Variants in ITSN1 observed in about 807,000 individuals in gnomAD.
The protein encoded by ITSN1 is intersectin 1, also known as intersectin-1.
In ITSN1, 58 loss-of-function variants were observed where a neutral mutation model predicts 239.8. The ratio of observed to expected loss-of-function variants is 0.24; its 90% CI spans 0.20 to 0.30. The LOEUF is 0.30. ITSN1 is among the 10% of genes least tolerant of loss of function. ITSN1 has a pLI of 1.00. For synonymous variants in ITSN1, 780 were observed against 770.8 expected (o/e 1.01, Z -0.20); for missense variants, 1,558 against 2,103.3 (o/e 0.74, Z 5.07).
At chr21:33,790,333 ATTTT>A (rs35287637) in intron 16 of ITSN1, among the ~76,000 whole-genome samples, 58,254 of 140,372 alleles carry the variant, frequency 0.41, 12,290 homozygotes, top group Non-Finnish European at 0.51. Flanking sequence ...TTATAGTTTT[ATTTT>A]TTCTGCATAA....
At chr21:33,774,551 T>C (rs764014821) in intron 12 of ITSN1, 178 bp from the exon 13 acceptor site, 7 of 581,546 alleles carry the variant, frequency 1.2e-5, no homozygotes, top group Non-Finnish European at 2.1e-5. Context: ...GTATTCCCTT[T>C]ATTCCCATAG....
At chr21:33,729,084 G>A (rs1165846212) in intron 4 of ITSN1, among the ~76,000 whole-genome samples, 1 of 152,220 alleles carries the variant, frequency 6.6e-6, no homozygotes, top group African/African-American at 2.4e-5. Flanking sequence ...GACAAGAGGA[G>A]CCTGGCCTCA....
chr21:33,679,682 T>G (rs898414625), intron 1 of ITSN1, among the ~76,000 whole-genome samples: 6 of 150,976 alleles, frequency 4.0e-5, no homozygotes, highest in African/African-American at 1.5e-4. Flanking sequence ...TTTTTGTGTG[T>G]TTTTTGATCC....
chr21:33,867,285 T>C lies in ITSN1; in HGVS notation c.4127T>C (p.Leu1376Pro). The C allele has an allele frequency of 6.2e-7, 1 of 1,611,346 alleles. No individual in the cohort carries two copies. The highest frequency in any genetic ancestry group is 1.1e-5 in the South Asian group (1 of 91,006). Residue 1376 changes from leucine to proline, a missense_variant, in exon 33 of 40, where the codon CTG (leucine) becomes CCG (proline). Coordinates refer to ENST00000381318, the MANE Select transcript of ITSN1 (RefSeq NM_003024.3). ...GGGATGCCACTCTCTAGTTTTATAC[T>C]GAAGCCTATGCAACGGGTAACAAGA... is the stretch of plus-strand genomic sequence containing the variant. ...CKGMPLSSFI[L>P]KPMQRVTRYP...
rs1557269 is a variant in ITSN1 at position 33,894,091 on chromosome 21, G to A, written c.*5791G>A. ...AGCTGGGCGGCAGCTGGACGGGCCT[G>A]CCTTGGTGGCATTCAAGCAAGCCTA... is the stretch of plus-strand genomic sequence containing the variant. On this transcript the variant is annotated 3_prime_UTR_variant, in exon 40 of 40. Coordinates refer to ENST00000381318, the MANE Select transcript of ITSN1 (RefSeq NM_003024.3). The A allele has an allele frequency of 0.3, 45,360 of 152,156 alleles. 6,785 individuals are homozygous for A. Among genetic ancestry groups the A allele is most frequent in the East Asian group, 0.32 (1,649 of 5,170 alleles). The allele number at this position is 152,156 out of a possible 1,614,324, so 9.4% of individuals were successfully genotyped here.
At chr21:33,806,668 G>GT (rs2072478042) in intron 20 of ITSN1, among the ~76,000 whole-genome samples, 1 of 152,336 alleles carries the variant, frequency 6.6e-6, no homozygotes, top group African/African-American at 2.4e-5. Flanking sequence ...GCAATATCTG[G>GT]TGTTTGTACT....
chr21:33,748,546 A>G (rs2067327372), intron 5 of ITSN1, among the ~76,000 whole-genome samples: 3 of 152,280 alleles, frequency 2.0e-5, no homozygotes, highest in Admixed American at 2.0e-4. Flanking sequence ...TTTACTTTTA[A>G]AAAATAGTAA....
chr21:33,829,553 C>T, intron 26 of ITSN1, 71 bp from the exon 27 acceptor site: 1 of 1,552,048 alleles, frequency 6.4e-7, no homozygotes, highest in Non-Finnish European at 8.8e-7. Flanking sequence ...CTGGGAGGCG[C>T]CTGCATCTTC....
At position 33,750,294 on chromosome 21, in the gene ITSN1, A is replaced by G. The variant is rs1473521662; in HGVS notation, c.498A>G (p.Ile166Met). 23 of 1,613,384 alleles carry G rather than the reference A, an allele frequency of 1.4e-5. No homozygotes were observed. Among genetic ancestry groups the G allele is most frequent in the Non-Finnish European group, 1.9e-5 (23 of 1,180,034 alleles). Residue 166 changes from isoleucine (I) to methionine (M), a missense_variant, in exon 6 of 40, where the codon ATA (isoleucine) becomes ATG (methionine). This residue lies in a region of ITSN1 where 982 missense variants were observed against 1,209.9 expected (regional missense o/e 0.81). Coordinates refer to ENST00000381318, the MANE Select transcript of ITSN1 (RefSeq NM_003024.3). ...PPLANGAPPV[I>M]QPLPAFAHPA... ...TGGCTAACGGGGCTCCCCCTGTTATACAACCTCTGCCTGCATTTGCTCATC... is the reference window on the plus strand; with the variant it reads ...TGGCTAACGGGGCTCCCCCTGTTATGCAACCTCTGCCTGCATTTGCTCATC...
rs777765337 is a variant in ITSN1 at position 33,883,646 on chromosome 21, C to A, written c.4651C>A (p.Leu1551Ile). The change falls in exon 36 of 40, where the codon CTC (leucine) becomes ATC (isoleucine). Residue 1551 changes from leucine (L) to isoleucine (I), a missense_variant. This residue lies in a region of ITSN1 where 576 missense variants were observed against 893.3 expected (regional missense o/e 0.64). Transcript: ENST00000381318. ...CTCCCACATTGACCGCGTCTATACT[C>A]TCCGAGCAGAAAGCATAAATGAAAG... ...HISHIDRVYT[L>I]RAESINERTA... is the part of the protein sequence containing the mutation. 1 of 1,613,670 alleles carries A rather than the reference C, an allele frequency of 6.2e-7. No individual in the cohort carries two copies. The highest frequency in any genetic ancestry group is 8.5e-7 in the Non-Finnish European group (1 of 1,179,686).
intron 1 of ITSN1, among the ~76,000 whole-genome samples, chr21:33,682,824 A>G (rs968743002): frequency 6.7e-5 from 10 of 148,590 alleles, no homozygotes; most frequent in African/African-American, 2.6e-4. Flanking sequence ...TTTTTTCCCC[A>G]TATGGCTTCT....
chr21:33,844,304 C>T (rs916468309), intron 29 of ITSN1, among the ~76,000 whole-genome samples: 7 of 152,166 alleles, frequency 4.6e-5, no homozygotes, highest in African/African-American at 2.4e-5. Flanking sequence ...ACACGGTCGA[C>T]GGTGGGGAGG....
At chr21:33,713,155 G>T (rs1202211193) in intron 1 of ITSN1, among the ~76,000 whole-genome samples, 1 of 152,182 alleles carries the variant, frequency 6.6e-6, no homozygotes, top group African/African-American at 2.4e-5. Flanking sequence ...TGGGATTCCA[G>T]GTGGGAGCCA....
chr21:33,850,628 T>C (rs1349705398), intron 29 of ITSN1, among the ~76,000 whole-genome samples: 1 of 152,100 alleles, frequency 6.6e-6, no homozygotes, highest in Non-Finnish European at 1.5e-5. Context: ...GGGCCGAGCG[T>C]GGATGCTGCT....
chr21:33,737,762 C>T (rs574722976), intron 5 of ITSN1, among the ~76,000 whole-genome samples: 14 of 151,974 alleles, frequency 9.2e-5, no homozygotes, highest in Non-Finnish European at 1.9e-4. Flanking sequence ...TTAATAGAGA[C>T]AGGGTTCCAC....
rs1361246792 is a variant in ITSN1, at chr21:33,750,308, C to T, written c.512C>T (p.Ala171Val). The T allele has an allele frequency of 1.2e-5, 19 of 1,613,014 alleles. No individual in the cohort carries two copies. Among genetic ancestry groups the T allele is most frequent in the African/African-American group, 2.7e-5 (2 of 74,908 alleles). ...GAPPVIQPLP[A>V]FAHPAATLPK... is the part of the protein sequence containing the mutation. ...CCCCCTGTTATACAACCTCTGCCTG[C>T]ATTTGCTCATCCTGGTATGTGACTT... The change falls in exon 6 of 40, where the codon GCA (alanine) becomes GTA (valine). Residue 171 changes from alanine to valine, a missense_variant. This residue lies in a region of ITSN1 where 982 missense variants were observed against 1,209.9 expected (regional missense o/e 0.81). Coordinates refer to ENST00000381318, the MANE Select transcript of ITSN1 (RefSeq NM_003024.3).
intron 16 of ITSN1, among the ~76,000 whole-genome samples, chr21:33,793,763 A>G (rs1346811361): frequency 6.6e-6 from 1 of 152,210 alleles, no homozygotes; most frequent in African/African-American, 2.4e-5. Flanking sequence ...GGATAGATTT[A>G]GTAAGAAAAG....
intron 16 of ITSN1, among the ~76,000 whole-genome samples, chr21:33,784,356 A>ACACACACACACACACACACAC (rs2070465989): frequency 9.9e-6 from 1 of 100,764 alleles, no homozygotes. Flanking sequence ...CACACACACT[A>ACACACACACACACACACACAC]GTCAGGTATG....
intron 5 of ITSN1, among the ~76,000 whole-genome samples, chr21:33,741,247 T>C (rs572302808): frequency 2.0e-4 from 30 of 152,332 alleles, no homozygotes; most frequent in Admixed American, 7.2e-4. Flanking sequence ...CTTGAGTAGA[T>C]TGACATTCTT....
Sources: allele counts gnomAD v4.1 joint callset (sites outside exome capture counted in the v4.1 genomes callset), GRCh38; gene constraint gnomAD v4.1.1; regional missense constraint gnomAD v4.1.1; transcripts MANE v1.5; gene names NCBI Gene and HGNC (gene_info 2026-07-23, HGNC 2026-07-21).